KIAA1217: variants seen among roughly 807,000 people sequenced by gnomAD.
KIAA1217 encodes the protein KIAA1217, also known as sickle tail protein homolog.
A neutral mutation model predicts 163.9 loss-of-function variants in KIAA1217; 88 were observed. That is an observed-to-expected ratio of 0.54 (90% CI 0.45 to 0.64). The LOEUF is 0.64. KIAA1217 is among the 30% of genes least tolerant of loss of function. The pLI, the probability that KIAA1217 is intolerant of heterozygous loss-of-function variation, is 0.00. For synonymous variants in KIAA1217, 903 were observed against 923.1 expected (o/e 0.98, Z 0.39); for missense variants, 2,372 against 2,475.0 (o/e 0.96, Z 0.88).
intron 2 of KIAA1217, among the ~76,000 whole-genome samples, chr10:24,178,694 T>C (rs1032052978): frequency 5.3e-5 from 8 of 152,248 alleles, no homozygotes; most frequent in African/African-American, 1.9e-4. Flanking sequence ...GTTGTTCCAT[T>C]TCCTTTGAAG....
At chr10:23,746,548 C>T (rs548288435) in intron 1 of KIAA1217, among the ~76,000 whole-genome samples, 3 of 152,156 alleles carry the variant, frequency 2.0e-5, no homozygotes, top group South Asian at 2.1e-4. Context: ...CTCAGCCTCC[C>T]GAGTAGTTGG....
intron 2 of KIAA1217, among the ~76,000 whole-genome samples, chr10:24,373,266 A>G (rs2051951259): frequency 6.6e-6 from 1 of 152,152 alleles, no homozygotes; most frequent in African/African-American, 2.4e-5. Flanking sequence ...GAAGAGCACC[A>G]TCGCCACCAC....
At chr10:24,394,322 G>A (rs767082724) in intron 3 of KIAA1217, among the ~76,000 whole-genome samples, 1 of 152,098 alleles carries the variant, frequency 6.6e-6, no homozygotes, top group African/African-American at 2.4e-5. Flanking sequence ...AATTTGCTAA[G>A]GTGTTAATTG....
intron 2 of KIAA1217, among the ~76,000 whole-genome samples, chr10:24,169,119 A>AAC (rs1300941499): frequency 2.6e-5 from 4 of 152,274 alleles, no homozygotes; most frequent in Non-Finnish European, 5.9e-5. Flanking sequence ...AAAGTCTTCA[A>AAC]CATGTCAAAT....
chr10:24,412,903 A>G (rs1353485012), intron 3 of KIAA1217, among the ~76,000 whole-genome samples: 1 of 152,194 alleles, frequency 6.6e-6, no homozygotes, highest in Non-Finnish European at 1.5e-5. Flanking sequence ...ATTTCCTCCA[A>G]TAAAACTATC....
At chr10:24,273,427 A>G (rs2076955312) in intron 2 of KIAA1217, among the ~76,000 whole-genome samples, 1 of 152,010 alleles carries the variant, frequency 6.6e-6, no homozygotes, top group Non-Finnish European at 1.5e-5. Context: ...TATTATTTTT[A>G]TGTTCTTCCT....
At position 24,545,998 on chromosome 10, in the gene KIAA1217, G is replaced by T. The variant is rs1319284328; in HGVS notation, c.5506G>T (p.Ala1836Ser). 1.2e-6 allele frequency: 2 copies of T among 1,614,096 alleles called. No homozygotes were observed. The highest frequency in any genetic ancestry group is 1.1e-5 in the South Asian group (1 of 91,078). ...PNPPATKPSI[A>S]SNPLSPQTGP... ...TCCACCTGCTACTAAACCATCGATT[G>T]CTTCTAACCCTCTCAGCCCCCAAAC... Residue 1836 changes from alanine to serine, a missense_variant, in exon 21 of 21, where the codon GCT becomes TCT. Physicochemically the swap from Ala to Ser is moderately conservative, Grantham distance 99. Around this residue, in one of 3 missense-constraint regions of KIAA1217, gnomAD observed 690 missense variants for 677.5 expected, o/e 1.02. Coordinates refer to ENST00000376454, the MANE Select transcript of KIAA1217 (RefSeq NM_019590.5).
rs1037692810 is a variant in KIAA1217, at chr10:24,125,870, T to C, written c.-170-93756T>C. Among the ~76,000 whole-genome samples, 111 of 152,358 alleles carry C rather than the reference T, an allele frequency of 7.3e-4. 1 individual carries two copies. Among genetic ancestry groups the C allele is most frequent in the African/African-American group, 2.5e-3 (104 of 41,596 alleles). On this transcript the variant is annotated intron_variant, in intron 2 of 18. Transcript: ENST00000376462. ...CTTTATCCTTTTGAAGATATTTCGC[T>C]GATTACTGTCATTTATTTTTGCTTT...
chr10:24,116,037 C>G (rs1185910012), intron 2 of KIAA1217, among the ~76,000 whole-genome samples: 1 of 152,150 alleles, frequency 6.6e-6, no homozygotes, highest in Non-Finnish European at 1.5e-5. Flanking sequence ...CACTCTCAGC[C>G]CTGCTTCTCT....
intron 2 of KIAA1217, among the ~76,000 whole-genome samples, chr10:24,047,805 A>T (rs977662528): frequency 6.6e-6 from 1 of 152,140 alleles, no homozygotes; most frequent in Admixed American, 6.5e-5. Context: ...TGGCACTCAA[A>T]TTTATTCTGG....
intron 2 of KIAA1217, among the ~76,000 whole-genome samples, chr10:24,166,290 G>C (rs905835953): frequency 2.0e-5 from 3 of 152,048 alleles, no homozygotes; most frequent in African/African-American, 7.2e-5. Context: ...TGTGGCTGTT[G>C]AAAACTAGAT....
intron 2 of KIAA1217, among the ~76,000 whole-genome samples, chr10:24,169,461 AT>A (rs1011473725): frequency 2.8e-5 from 4 of 144,638 alleles, no homozygotes; most frequent in Non-Finnish European, 4.4e-5. Context: ...TTGACCACTC[AT>A]TGTTTACCAT....
At chr10:24,075,798 T>C (rs1647293502) in intron 2 of KIAA1217, among the ~76,000 whole-genome samples, 1 of 152,098 alleles carries the variant, frequency 6.6e-6, no homozygotes, top group Non-Finnish European at 1.5e-5. Context: ...GAGATTGGGT[T>C]TCACCATGTT....
At chr10:23,894,975 G>A (rs929622486) in intron 1 of KIAA1217, among the ~76,000 whole-genome samples, 1 of 151,988 alleles carries the variant, frequency 6.6e-6, no homozygotes, top group Non-Finnish European at 1.5e-5. Context: ...CCTTACACCT[G>A]ATACAAAAAT....
At chr10:24,162,739 C>T (rs763922509) in intron 2 of KIAA1217, among the ~76,000 whole-genome samples, 1 of 152,174 alleles carries the variant, frequency 6.6e-6, no homozygotes, top group Non-Finnish European at 1.5e-5. Flanking sequence ...CTCAGGATCT[C>T]TTGTGAGATT....
intron 3 of KIAA1217, among the ~76,000 whole-genome samples, chr10:24,402,464 G>A (rs895435767): frequency 6.9e-6 from 1 of 145,898 alleles, no homozygotes; most frequent in East Asian, 2.0e-4. Flanking sequence ...AGCCGAGATC[G>A]CGCCACTGCA....
At chr10:24,202,615 G>A (rs183702437) in intron 2 of KIAA1217, among the ~76,000 whole-genome samples, 1 of 152,280 alleles carries the variant, frequency 6.6e-6, no homozygotes, top group East Asian at 1.9e-4. Context: ...CCTCACAGGC[G>A]CTTTCCCCTA....
At chr10:23,819,938 C>G (rs1039771262) in intron 1 of KIAA1217, among the ~76,000 whole-genome samples, 1 of 152,138 alleles carries the variant, frequency 6.6e-6, no homozygotes, top group African/African-American at 2.4e-5. Context: ...AAACAATTCT[C>G]TAAGCTCTAA....
chr10:23,717,351 C>T (rs7070922), intron 1 of KIAA1217, among the ~76,000 whole-genome samples: 8,645 of 152,030 alleles, frequency 0.057, 842 homozygotes, highest in African/African-American at 0.19. Flanking sequence ...AATTACTGAG[C>T]ACGTACTATA....
Sources: gnomAD v4.1 joint callset for allele counts (sites outside exome capture counted in the v4.1 genomes callset) on GRCh38, gnomAD v4.1.1 for gene constraint, gnomAD v4.1.1 regional missense constraint, MANE v1.5 for transcripts, NCBI Gene and HGNC (gene_info 2026-07-23, HGNC 2026-07-21) for gene names.